The following WWOX variants were observed in gnomAD, a reference collection of about 807,000 sequenced individuals.
WWOX encodes the protein WW domain containing oxidoreductase.
A neutral mutation model predicts 46.2 loss-of-function variants in WWOX; 69 were observed. The observed-to-expected ratio is 1.49, with a 90% CI of 1.23 to 1.82. The LOEUF (loss-of-function observed/expected upper bound fraction) is 1.82, where lower values mean the gene tolerates loss of function less well. Ranked by LOEUF, WWOX falls within the 40% of genes most tolerant of loss-of-function variation. The pLI is 0.00. For missense variants in WWOX, 919 were observed against 542.6 expected (o/e 1.69, Z -6.89); for synonymous variants, 359 against 202.6 (o/e 1.77, Z -6.56).
chr16:78,952,367 G>GT (rs1236504006), intron 8 of WWOX, among the ~76,000 whole-genome samples: 3 of 145,744 alleles, frequency 2.1e-5, no homozygotes, highest in South Asian at 2.2e-4. Flanking sequence ...TTACATTTTT[G>GT]TTTTTTTGTT....
At chr16:78,654,184 G>A (rs937663965) in intron 8 of WWOX, among the ~76,000 whole-genome samples, 7 of 152,256 alleles carry the variant, frequency 4.6e-5, no homozygotes, top group African/African-American at 1.4e-4. Flanking sequence ...AATTGCCTTC[G>A]GCTCTTCACC....
intron 8 of WWOX, among the ~76,000 whole-genome samples, chr16:78,527,318 G>A (rs1209655245): frequency 7.4e-6 from 1 of 134,522 alleles, no homozygotes; most frequent in Non-Finnish European, 1.6e-5. Context: ...TTTGGAGACA[G>A]AGTCTCACTC....
chr16:78,375,034 C>T (rs1040902775), intron 5 of WWOX, among the ~76,000 whole-genome samples: 7 of 152,112 alleles, frequency 4.6e-5, no homozygotes, highest in South Asian at 2.1e-4. Context: ...TAAACCACTG[C>T]GAGGCAGATA....
Position 78,710,655 on chromosome 16 carries a change from C to G in WWOX, c.1056+277903C>G, listed in dbSNP as rs1258526677. On this transcript the variant is annotated intron_variant, in intron 8 of 8. Transcript: ENST00000566780. ...TTTGAGACAGGGTCTTGCTCTGTCA[C>G]TCAGGCTGGAGTGCAGTGGCGTGAT... 2.0e-5 allele frequency among the ~76,000 whole-genome samples: 3 copies of G among 150,484 alleles called. No homozygotes were observed. In the Admixed American group the frequency reaches 2.0e-4, roughly 10 times the overall value.
chr16:78,941,931 A>G (rs1229896585), intron 8 of WWOX, among the ~76,000 whole-genome samples: 1 of 152,008 alleles, frequency 6.6e-6, no homozygotes, highest in Admixed American at 6.6e-5. Context: ...TTTATTTTTT[A>G]CTGTAAACAT....
chr16:78,453,832 A>G lies in WWOX; in HGVS notation c.1056+21080A>G, dbSNP rs545987935. Among the ~76,000 whole-genome samples, 10 of 151,466 alleles carry G rather than the reference A, an allele frequency of 6.6e-5. No individual in the cohort carries two copies. In the South Asian group the frequency reaches 2.1e-3, roughly 32 times the overall value. The stretch of plus-strand genomic sequence containing the variant: ...TATTGAAAGCCTTTTTACCAAAACC[A>G]TTTTTTTTTATTTTATAGTGAAGAT... On this transcript the variant is annotated intron_variant, in intron 8 of 8. Coordinates refer to ENST00000566780, the MANE Select transcript of WWOX (RefSeq NM_016373.4).
At chr16:79,159,203 A>G (rs1376173930) in intron 8 of WWOX, among the ~76,000 whole-genome samples, 1 of 152,206 alleles carries the variant, frequency 6.6e-6, no homozygotes, top group Non-Finnish European at 1.5e-5. Flanking sequence ...CACTGTAGTA[A>G]TAGACTAATC....
intron 8 of WWOX, among the ~76,000 whole-genome samples, chr16:79,036,585 G>C (rs749769988): frequency 1.3e-5 from 2 of 152,192 alleles, no homozygotes; most frequent in East Asian, 3.9e-4. Flanking sequence ...TGGGAGAAGA[G>C]ATGAATGATC....
intron 7 of WWOX, among the ~76,000 whole-genome samples, chr16:78,430,749 C>T (rs1053427846): frequency 6.6e-6 from 1 of 152,118 alleles, no homozygotes. Flanking sequence ...TTCTGGCCAT[C>T]AGCTTTGTTG....
chr16:78,584,930 G>A (rs1177406489), intron 8 of WWOX, among the ~76,000 whole-genome samples: 1 of 152,220 alleles, frequency 6.6e-6, no homozygotes, highest in Middle Eastern at 3.2e-3. Context: ...TCCCGCCTCG[G>A]TCAAAGCACA....
intron 8 of WWOX, among the ~76,000 whole-genome samples, chr16:78,537,282 C>G (rs2043782259): frequency 6.6e-6 from 1 of 152,092 alleles, no homozygotes; most frequent in Non-Finnish European, 1.5e-5. Flanking sequence ...TTCCTTCCAT[C>G]TGTTTGTTAT....
At chr16:78,694,877 C>G (rs2048066904) in intron 8 of WWOX, among the ~76,000 whole-genome samples, 1 of 151,864 alleles carries the variant, frequency 6.6e-6, no homozygotes, top group South Asian at 2.1e-4. Flanking sequence ...GCTTCCTGCA[C>G]TTTCTAAATG....
intron 8 of WWOX, among the ~76,000 whole-genome samples, chr16:78,744,491 GCA>G (rs1476431334): frequency 1.4e-5 from 2 of 143,668 alleles, no homozygotes; most frequent in African/African-American, 5.5e-5. Context: ...GAGTGCAGTG[GCA>G]CAGTCTTGGC....
At chr16:78,824,263 A>G (rs2051587091) in intron 8 of WWOX, among the ~76,000 whole-genome samples, 1 of 152,166 alleles carries the variant, frequency 6.6e-6, no homozygotes, top group African/African-American at 2.4e-5. Context: ...GCCTGTAGAA[A>G]GTTTTTCTAA....
intron 8 of WWOX, among the ~76,000 whole-genome samples, chr16:78,764,957 A>C (rs1297398000): frequency 6.6e-6 from 1 of 152,196 alleles, no homozygotes; most frequent in Non-Finnish European, 1.5e-5. Context: ...ATCTGCTTAC[A>C]ATATTTTTTG....
At chr16:78,631,668 A>G (rs964879082) in intron 8 of WWOX, among the ~76,000 whole-genome samples, 1 of 151,396 alleles carries the variant, frequency 6.6e-6, no homozygotes, top group Non-Finnish European at 1.5e-5. Flanking sequence ...CCCTCCAAGT[A>G]GGGCTACACG....
chr16:78,399,004 A>G (rs1298739616), intron 6 of WWOX, among the ~76,000 whole-genome samples: 2 of 148,794 alleles, frequency 1.3e-5, no homozygotes, highest in Admixed American at 1.3e-4. Flanking sequence ...AAGGAAGGGG[A>G]TGAGTGGCTG....
At chr16:78,797,258 C>G (rs1158494856) in intron 8 of WWOX, among the ~76,000 whole-genome samples, 3 of 148,870 alleles carry the variant, frequency 2.0e-5, no homozygotes, top group Non-Finnish European at 3.0e-5. Context: ...GACATGATCT[C>G]AAGTCAGCCA....
At chr16:79,180,432 A>T (rs1412031384) in intron 8 of WWOX, among the ~76,000 whole-genome samples, 1 of 152,282 alleles carries the variant, frequency 6.6e-6, no homozygotes, top group South Asian at 2.1e-4. Context: ...TTCACCCATT[A>T]TAAAATGGAC....
Sources: gnomAD v4.1 joint callset for allele counts (sites outside exome capture counted in the v4.1 genomes callset) on GRCh38, gnomAD v4.1.1 for gene constraint, MANE v1.5 for transcripts, NCBI Gene and HGNC (gene_info 2026-07-23, HGNC 2026-07-21) for gene names.